VPS53: variants seen among roughly 807,000 people sequenced by gnomAD.
VPS53 encodes the protein vacuolar protein sorting-associated protein 53 homolog.
VPS53 carries 70 observed loss-of-function variants against 107.0 expected under a neutral mutation model. The observed-to-expected ratio is 0.65, with a 90% CI of 0.54 to 0.80. The LOEUF is 0.80. Ranked by LOEUF, VPS53 falls within the 30% of genes least tolerant of loss-of-function variation. VPS53 has a pLI of 0.00. For missense variants in VPS53, 917 were observed against 1,049.4 expected (o/e 0.87, Z 1.74); for synonymous variants, 409 against 393.3 (o/e 1.04, Z -0.47).
At chr17:558,905 G>A (rs1912692235) in intron 15 of VPS53, among the ~76,000 whole-genome samples, 2 of 151,430 alleles carry the variant, frequency 1.3e-5, no homozygotes. Context: ...TGAGGCAGAA[G>A]AATTGCTTGA....
intron 4 of VPS53, among the ~76,000 whole-genome samples, chr17:682,830 A>C (rs527702929): frequency 6.6e-6 from 1 of 152,354 alleles, no homozygotes; most frequent in South Asian, 2.1e-4. Flanking sequence ...TGTCTCAAAG[A>C]GGAGCCATTT....
At chr17:657,256 C>G (rs1240447530) in intron 5 of VPS53, 1 of 988,934 alleles carries the variant, frequency 1.0e-6, no homozygotes, top group East Asian at 2.4e-5. Context: ...GCAAAGCAAC[C>G]TTTGGTGTCA....
intron 4 of VPS53, among the ~76,000 whole-genome samples, chr17:672,263 C>T (rs73976846): frequency 0.025 from 3,851 of 151,190 alleles, 63 homozygotes; most frequent in East Asian, 0.07. Flanking sequence ...CCAGCTGAGA[C>T]GCTATCCTTC....
At chr17:670,210 CACTGGTGAACT>C in intron 4 of VPS53, among the ~76,000 whole-genome samples, 2 of 151,424 alleles carry the variant, frequency 1.3e-5, no homozygotes, top group South Asian at 4.2e-4. Context: ...GTGAACTGGG[CACTGGTGAACT>C]GGGCACTGGT....
chr17:654,883 C>T (rs1201741403), intron 6 of VPS53, among the ~76,000 whole-genome samples: 4 of 152,124 alleles, frequency 2.6e-5, no homozygotes, highest in African/African-American at 9.7e-5. Flanking sequence ...TTGGTGGACA[C>T]CGACCACCCC....
chr17:533,566 T>C (rs764168210), intron 18 of VPS53, among the ~76,000 whole-genome samples: 1 of 152,200 alleles, frequency 6.6e-6, no homozygotes, highest in Non-Finnish European at 1.5e-5. Context: ...AGAAGGGGCT[T>C]GTGGGTCAGT....
At chr17:667,809 T>C (rs1971761213) in intron 4 of VPS53, among the ~76,000 whole-genome samples, 1 of 152,044 alleles carries the variant, frequency 6.6e-6, no homozygotes, top group Non-Finnish European at 1.5e-5. Context: ...AGGTGAGCGG[T>C]GGGCAAGTGA....
chr17:643,889 C>CA, intron 7 of VPS53, among the ~76,000 whole-genome samples: 1 of 152,348 alleles, frequency 6.6e-6, no homozygotes, highest in East Asian at 1.9e-4. Context: ...TTGTCGAGGC[C>CA]ATAGAGCTGT....
intron 17 of VPS53, among the ~76,000 whole-genome samples, chr17:543,847 GGGAAGGAGGGAA>G (rs1910916413): frequency 1.4e-5 from 1 of 71,376 alleles, no homozygotes; most frequent in Non-Finnish European, 2.8e-5. Flanking sequence ...GAGGGAGGGA[GGGAAGGAGGGAA>G]GGAGGGAGGG....
At chr17:579,811 C>T (rs1966896584) in intron 13 of VPS53, among the ~76,000 whole-genome samples, 1 of 150,862 alleles carries the variant, frequency 6.6e-6, no homozygotes, top group Non-Finnish European at 1.5e-5. Context: ...CCCTCAGGAC[C>T]TAATGCGTTC....
chr17:603,472 C>G (rs536676449), intron 11 of VPS53, among the ~76,000 whole-genome samples: 2 of 152,196 alleles, frequency 1.3e-5, no homozygotes, highest in African/African-American at 2.4e-5. Flanking sequence ...ACTACACCTG[C>G]GTCTGGTTTT....
At chr17:693,221 T>G (rs1597494570) in intron 4 of VPS53, among the ~76,000 whole-genome samples, 1 of 152,286 alleles carries the variant, frequency 6.6e-6, no homozygotes, top group South Asian at 2.1e-4. Flanking sequence ...CAGCTCCAAA[T>G]CACAAGAGGA....
At chr17:641,987 T>G (rs1970439488) in intron 7 of VPS53, among the ~76,000 whole-genome samples, 1 of 152,206 alleles carries the variant, frequency 6.6e-6, no homozygotes, top group East Asian at 1.9e-4. Context: ...CACCCTTTCC[T>G]AAAAGTGTTC....
intron 12 of VPS53, among the ~76,000 whole-genome samples, chr17:595,993 AG>A (rs1248930552): frequency 6.6e-6 from 1 of 152,060 alleles, no homozygotes; most frequent in Non-Finnish European, 1.5e-5. Flanking sequence ...GGAGATGGGA[AG>A]GGGTCTGGAT....
chr17:708,511 T>C (rs1973502830), intron 2 of VPS53, among the ~76,000 whole-genome samples: 1 of 152,214 alleles, frequency 6.6e-6, no homozygotes, highest in African/African-American at 2.4e-5. Flanking sequence ...GCATGACCAC[T>C]GAAGCACAGC....
chr17:666,316 A>G (rs1971682739), intron 4 of VPS53, among the ~76,000 whole-genome samples: 1 of 152,216 alleles, frequency 6.6e-6, no homozygotes, highest in South Asian at 2.1e-4. Flanking sequence ...ACAGAAGCCA[A>G]ACAGAAGTGT....
intron 12 of VPS53, among the ~76,000 whole-genome samples, chr17:598,403 C>T (rs1216220104): frequency 8.6e-5 from 13 of 151,782 alleles, no homozygotes; most frequent in African/African-American, 2.2e-4. Flanking sequence ...AAGTGAGAAG[C>T]GTCTCTGCCT....
At chr17:662,858 GAAGGAAGGAAGGAA>G (rs1567720153) in intron 4 of VPS53, among the ~76,000 whole-genome samples, 2 of 99,842 alleles carry the variant, frequency 2.0e-5, no homozygotes, top group Non-Finnish European at 5.1e-5. Context: ...AGGAAGGAAG[GAAGGAAGGAAGGAA>G]CGAAGGAAGG....
intron 12 of VPS53, among the ~76,000 whole-genome samples, chr17:600,709 C>T (rs1026505061): frequency 6.6e-6 from 1 of 152,192 alleles, no homozygotes; most frequent in Non-Finnish European, 1.5e-5. Flanking sequence ...ACATTGAGAC[C>T]TGGCTTCCAG....
Sources: allele counts gnomAD v4.1 joint callset (sites outside exome capture counted in the v4.1 genomes callset), GRCh38; gene constraint gnomAD v4.1.1; transcripts MANE v1.5; gene names NCBI Gene and HGNC (gene_info 2026-07-23, HGNC 2026-07-21).